The following OPRM1 variants were observed in gnomAD, a reference collection of about 807,000 sequenced individuals.
OPRM1 encodes opioid receptor mu 1, also known as mu-type opioid receptor.
Under a neutral mutation model 31.8 loss-of-function variants are expected in OPRM1, and 27 were observed. The ratio of observed to expected loss-of-function variants is 0.85; its 90% CI spans 0.63 to 1.17. OPRM1 has a LOEUF of 1.17. OPRM1 is among the 50% of genes most tolerant of loss of function. The pLI is 0.00. For synonymous variants in OPRM1, 196 were observed against 189.9 expected (o/e 1.03, Z -0.26); for missense variants, 536 against 511.1 (o/e 1.05, Z -0.47).
intron 3 of OPRM1, among the ~76,000 whole-genome samples, chr6:154,176,053 C>G (rs545348842): frequency 6.6e-6 from 1 of 152,174 alleles, no homozygotes; most frequent in Non-Finnish European, 1.5e-5. Flanking sequence ...ATCACATAAA[C>G]AGAACCAATG....
At position 154,118,983 on chromosome 6, in the gene OPRM1, C is replaced by A; in HGVS notation, c.*262C>A. 1 of 1,219,270 alleles carries A rather than the reference C, an allele frequency of 8.2e-7. No individual in the cohort carries two copies. Among genetic ancestry groups the A allele is most frequent in the Non-Finnish European group, 1.0e-6 (1 of 977,122 alleles). The allele number at this position is 1,219,270 out of a possible 1,614,324, so 75.5% of individuals were successfully genotyped here. A position where few individuals can be genotyped will look rare whatever the true frequency, so the allele number is the denominator to read the frequency against. ...GACACCCAGTGGAACCAAAACCCAT[C>A]GTGGTATGTGAATTGAAGTCATCAT... On this transcript the variant is annotated 3_prime_UTR_variant, in exon 4 of 4. Transcript: ENST00000330432.
intron 1 of OPRM1, chr6:154,086,531 A>G: frequency 1.0e-6 from 1 of 979,382 alleles, no homozygotes; most frequent in Non-Finnish European, 1.2e-6. Flanking sequence ...TTAACTATGC[A>G]TAACCACGTT....
At chr6:154,101,255 T>C (rs1235255626) in intron 3 of OPRM1, among the ~76,000 whole-genome samples, 4 of 152,122 alleles carry the variant, frequency 2.6e-5, no homozygotes, top group Non-Finnish European at 4.4e-5. Context: ...ATCTCACTCT[T>C]ACTCTTCTTC....
At chr6:154,228,122 A>G (rs532429100) in intron 3 of OPRM1, among the ~76,000 whole-genome samples, 1 of 152,132 alleles carries the variant, frequency 6.6e-6, no homozygotes, top group South Asian at 2.1e-4. Context: ...TAACTAAAAT[A>G]ACTTTGTTGA....
chr6:154,116,264 G>A (rs1583610376), intron 3 of OPRM1, among the ~76,000 whole-genome samples: 1 of 152,228 alleles, frequency 6.6e-6, no homozygotes, highest in East Asian at 1.9e-4. Flanking sequence ...CTTCCTCCAT[G>A]GGGTTTCATG....
chr6:154,099,999 T>TATTATGATATATATCATAA (rs1794351315), intron 3 of OPRM1, among the ~76,000 whole-genome samples: 1 of 129,898 alleles, frequency 7.7e-6, no homozygotes, highest in Admixed American at 7.8e-5. Flanking sequence ...TTATATATTA[T>TATTATGATATATATCATAA]CATATTATGA....
rs148438307 is a variant in OPRM1, at chr6:154,124,992, C to A, written c.*6271C>A. Among the ~76,000 whole-genome samples the A allele has an allele frequency of 3.3e-5, 5 of 152,246 alleles. No homozygotes were observed. The East Asian group carries it at 9.6e-4, about 29-fold the overall frequency. On this transcript the variant is annotated 3_prime_UTR_variant, in exon 4 of 4. Transcript: ENST00000330432. ...GAATCTCTCAGACCAGGTACAGGAC[C>A]TACCAAAGGCCACAGCCAAGCACAA... is the stretch of plus-strand genomic sequence containing the variant.
chr6:154,098,714 G>T (rs1562468883), intron 3 of OPRM1, among the ~76,000 whole-genome samples: 1 of 152,138 alleles, frequency 6.6e-6, no homozygotes, highest in Admixed American at 6.5e-5. Context: ...CTTTTGGCAG[G>T]TTGCAAATAA....
At chr6:154,204,023 G>A (rs762389380) in intron 3 of OPRM1, among the ~76,000 whole-genome samples, 4 of 152,114 alleles carry the variant, frequency 2.6e-5, no homozygotes, top group Admixed American at 2.6e-4. Context: ...ATTAATAATT[G>A]TATGTGGTTT....
At position 154,121,130 on chromosome 6, in the gene OPRM1, T is replaced by C. The variant is rs1293242608; in HGVS notation, c.*2409T>C. Among the ~76,000 whole-genome samples, 8 of 152,192 alleles carry C rather than the reference T, an allele frequency of 5.3e-5. No homozygotes were observed. The highest frequency in any genetic ancestry group is 8.8e-5 in the Non-Finnish European group (6 of 68,010). ...ATAAAGAAAATGGAATATTCTGCTTTTTTCTTCCTTCTAATTTCACCCTTG... is the reference window on the plus strand; with the variant it reads ...ATAAAGAAAATGGAATATTCTGCTTCTTTCTTCCTTCTAATTTCACCCTTG... On this transcript the variant is annotated 3_prime_UTR_variant, in exon 4 of 4. Transcript: ENST00000330432.
In OPRM1 at chr6:154,205,743, A is replaced by C. The variant is rs557106441; in HGVS notation, c.1165-40950A>C. On this transcript the variant is annotated intron_variant, in intron 3 of 3. Transcript: ENST00000337049. ...TTCAGAGGACAATGAATAAACTGCA[A>C]TTAGGACAAGGTGCACATTTTCCAT... is the stretch of plus-strand genomic sequence containing the variant. 1.4e-4 allele frequency among the ~76,000 whole-genome samples: 21 copies of C among 152,352 alleles called. 2 individuals carry two copies. The highest frequency in any genetic ancestry group is 6.2e-4 in the South Asian group (3 of 4,826).
intron 3 of OPRM1, chr6:154,223,190 T>C (rs760784923): frequency 4.5e-5 from 72 of 1,613,712 alleles, no homozygotes; most frequent in Non-Finnish European, 5.9e-5. Context: ...TGCATTCAGA[T>C]GCTCTTTCCA....
At chr6:154,194,492 A>G (rs1776428124) in intron 3 of OPRM1, among the ~76,000 whole-genome samples, 1 of 151,904 alleles carries the variant, frequency 6.6e-6, no homozygotes, top group African/African-American at 2.4e-5. Context: ...TGAACCTACT[A>G]CCTTCCTTTT....
intron 1 of OPRM1, among the ~76,000 whole-genome samples, chr6:154,055,416 A>AT (rs1477702321): frequency 4.6e-5 from 7 of 152,082 alleles, no homozygotes; most frequent in Admixed American, 1.3e-4. Context: ...CAAAAAAAAA[A>AT]AAATAAAAGC....
At chr6:154,238,070 G>A (rs1308828548) in intron 3 of OPRM1, among the ~76,000 whole-genome samples, 1 of 152,148 alleles carries the variant, frequency 6.6e-6, no homozygotes, top group Non-Finnish European at 1.5e-5. Context: ...ACAGCCATCA[G>A]AAATGATGTT....
chr6:154,098,639 T>G (rs1245492761), intron 3 of OPRM1, among the ~76,000 whole-genome samples: 1 of 152,218 alleles, frequency 6.6e-6, no homozygotes, highest in Non-Finnish European at 1.5e-5. Context: ...GGAAAGGATA[T>G]TTGAATGTAT....
intron 1 of OPRM1, among the ~76,000 whole-genome samples, chr6:154,019,812 C>A (rs1276231605): frequency 6.8e-6 from 1 of 147,226 alleles, no homozygotes; most frequent in Non-Finnish European, 1.5e-5. Flanking sequence ...TGGCTCACTG[C>A]AGCCTCTCCT....
chr6:154,243,216 A>G (rs1238282602), intron 3 of OPRM1, among the ~76,000 whole-genome samples: 2 of 152,226 alleles, frequency 1.3e-5, no homozygotes, highest in African/African-American at 4.8e-5. Flanking sequence ...ATTCCCACAA[A>G]CCAGGAAGTG....
chr6:154,027,545 T>G (rs1231199604), intron 1 of OPRM1, among the ~76,000 whole-genome samples: 1 of 152,220 alleles, frequency 6.6e-6, no homozygotes, highest in Non-Finnish European at 1.5e-5. Flanking sequence ...CAACCAGGCC[T>G]GTGTCCTTCC....
Sources: gnomAD v4.1 joint callset for allele counts (sites outside exome capture counted in the v4.1 genomes callset) on GRCh38, gnomAD v4.1.1 for gene constraint, MANE v1.5 for transcripts, NCBI Gene and HGNC (gene_info 2026-07-23, HGNC 2026-07-21) for gene names.